NBPF26: variants seen among roughly 807,000 people sequenced by gnomAD.
NBPF26 encodes the protein NBPF family member NBPF26.
NBPF26 carries 79 observed loss-of-function variants against 119.6 expected under a neutral mutation model. The ratio of observed to expected loss-of-function variants is 0.66; its 90% CI spans 0.55 to 0.80. The LOEUF (loss-of-function observed/expected upper bound fraction) is 0.80, where lower values mean the gene tolerates loss of function less well. NBPF26 is among the 30% of genes least tolerant of loss of function. The probability of loss-of-function intolerance (pLI) is 0.00; values close to 1 mark genes in which losing one functional copy is unlikely to be tolerated. For synonymous variants in NBPF26, 299 were observed against 457.7 expected (o/e 0.65, Z 4.43); for missense variants, 800 against 1,198.2 (o/e 0.67, Z 4.91).
intron 2 of NBPF26, among the ~76,000 whole-genome samples, chr1:120,778,606 G>GTT (rs1295507724): frequency 0.034 from 552 of 16,300 alleles, 103 homozygotes; most frequent in African/African-American, 0.19. Context: ...CCAAATCCTC[G>GTT]TTTTAAAAAA....
At position 120,785,160 on chromosome 1, in the gene NBPF26, T is replaced by C. The variant is rs1185129759; in HGVS notation, c.342T>C (p.Pro114=). The C allele has an allele frequency of 2.1e-4, 300 of 1,446,538 alleles. 64 individuals carry two copies. The East Asian group carries it at 5.2e-3, about 25-fold the overall frequency. 89.6% of individuals were successfully genotyped at this position (1,446,538 alleles called of 1,614,324 possible). ...CTCATCCATGCTTTGTGTCTCGACC[T>C]TGCCTGAATGGCGGCACATGCCATA... Residue 114 remains proline (P), a synonymous_variant, in exon 3 of 30, where the codon CCT becomes CCC. Transcript: ENST00000620612.
intron 23 of NBPF26, among the ~76,000 whole-genome samples, 167 bp from the exon 28 acceptor site, chr1:120,833,436 A>G (rs1652405843): frequency 1.0e-5 from 1 of 96,656 alleles, no homozygotes; most frequent in Non-Finnish European, 1.8e-5. Flanking sequence ...ATTGTTTTCT[A>G]CCTGGCCCTG....
At position 120,840,526 on chromosome 1, in the gene NBPF26, G is replaced by A. The variant is rs1652493979; in HGVS notation, c.4280G>A (p.Arg1427Lys). ...AGCTTCGCCCTTTACGTGGACAATAGGTTTTTTACTTTGACGGTGACAAGT... is the reference window on the plus strand; with the variant it reads ...AGCTTCGCCCTTTACGTGGACAATAAGTTTTTTACTTTGACGGTGACAAGT... Residue 1427 changes from arginine (R) to lysine (K), a missense_variant, in exon 30 of 30, where the codon AGG becomes AAG. Transcript: ENST00000620612. 26 of 1,472,632 alleles carry A rather than the reference G, an allele frequency of 1.8e-5. 3 individuals carry two copies. The highest frequency in any genetic ancestry group is 2.3e-5 in the Non-Finnish European group (25 of 1,087,950). 91.2% of individuals were successfully genotyped at this position (1,472,632 alleles called of 1,614,324 possible). A position where few individuals can be genotyped will look rare whatever the true frequency, so the allele number is the denominator to read the frequency against.
rs1221707766 is a variant in NBPF26, at chr1:120,762,504, TG to T, written c.74-1122del. The stretch of plus-strand genomic sequence containing the variant: ...TGCACAATTTATGCATAGAGTGGTG[TG>T]GTTAGAGGAAACTTGGAGGGGGGAA... On this transcript the variant is annotated intron_variant, in intron 1 of 29. Coordinates refer to ENST00000620612, the Ensembl canonical transcript of NBPF26. 3.0e-4 allele frequency among the ~76,000 whole-genome samples: 34 copies of T among 114,340 alleles called. 11 individuals carry two copies. Among genetic ancestry groups the T allele is most frequent in the African/African-American group, 1.4e-3 (30 of 21,644 alleles). The allele number at this position is 114,340 out of a possible 152,430, so 75.0% of individuals were successfully genotyped here. A position where few individuals can be genotyped will look rare whatever the true frequency, so the allele number is the denominator to read the frequency against.
intron 4 of NBPF26, among the ~76,000 whole-genome samples, chr1:120,796,584 ACT>A (rs1491301654): frequency 9.4e-5 from 2 of 21,218 alleles, no homozygotes; most frequent in East Asian, 2.4e-3. Flanking sequence ...TTTTTCTGTA[ACT>A]CTTATCTTCT....
At chr1:120,807,474 G>A in intron 5 of NBPF26, 133 bp from the exon 6 acceptor site, 2 of 469,858 alleles carry the variant, frequency 4.3e-6, no homozygotes, top group South Asian at 4.9e-5. Flanking sequence ...GTAAAGATGT[G>A]GAAATCCCTG....
chr1:120,840,385 A>T, exon 30 of NBPF26: 2 of 1,463,072 alleles, frequency 1.4e-6, no homozygotes, highest in Non-Finnish European at 1.8e-6. Flanking sequence ...GAAGAGCCTG[A>T]AGTCTTGCAG....
chr1:120,814,293 C>G (rs1651953354), intron 11 of NBPF26, among the ~76,000 whole-genome samples: 2 of 117,574 alleles, frequency 1.7e-5, no homozygotes, highest in East Asian at 4.1e-4. Flanking sequence ...TCAGTATACT[C>G]AAAATGGTGT....
At chr1:120,778,610 TAAAAAAAAAAA>T (rs1207692493) in intron 2 of NBPF26, among the ~76,000 whole-genome samples, 1 of 37,910 alleles carries the variant, frequency 2.6e-5, no homozygotes, top group East Asian at 5.8e-4. Context: ...ATCCTCGTTT[TAAAAAAAAAAA>T]AAAAAAAAAA....
At position 120,784,269 on chromosome 1, in the gene NBPF26, C is replaced by G. The variant is rs1324972960; in HGVS notation, c.156-705C>G. On this transcript the variant is annotated intron_variant, in intron 2 of 29. Coordinates refer to ENST00000620612, the Ensembl canonical transcript of NBPF26. Reference sequence around the variant, plus strand: ...AAAGCAAATATATGGTTCTGTACACCGGCTTTAGGAGAGTAAGTCTGTTGT... The same window carrying G: ...AAAGCAAATATATGGTTCTGTACACGGGCTTTAGGAGAGTAAGTCTGTTGT... Among the ~76,000 whole-genome samples the G allele has an allele frequency of 1.7e-4, 20 of 117,400 alleles. 2 individuals are homozygous for G. The highest frequency in any genetic ancestry group is 7.0e-4 in the African/African-American group (14 of 19,990). 77.0% of individuals were successfully genotyped at this position (117,400 alleles called of 152,430 possible). A position where few individuals can be genotyped will look rare whatever the true frequency, so the allele number is the denominator to read the frequency against.
exon 5 of NBPF26, chr1:120,805,589 G>A (rs1571033145): frequency 2.7e-6 from 4 of 1,457,764 alleles, no homozygotes; most frequent in African/African-American, 2.0e-5. Flanking sequence ...ACAAACGTCA[G>A]CATGGTGGTA....
chr1:120,780,162 C>A (rs1651347445), intron 2 of NBPF26, among the ~76,000 whole-genome samples: 1 of 113,278 alleles, frequency 8.8e-6, no homozygotes, highest in African/African-American at 4.8e-5. Flanking sequence ...ATTCAGGGAA[C>A]CTACACCAAG....
In NBPF26 at chr1:120,763,427, A is replaced by G. The variant is rs1287419832; in HGVS notation, c.74-201A>G. On this transcript the variant is annotated intron_variant, in intron 1 of 29. Transcript: ENST00000620612. ...AGAAATAAGAGCATCATTCAAGACC[A>G]CAAATGTGGTTATTGTTGGAAGATA... is the stretch of plus-strand genomic sequence containing the variant. Among the ~76,000 whole-genome samples the G allele has an allele frequency of 3.0e-4, 33 of 109,228 alleles. 6 individuals are homozygous for G. Among genetic ancestry groups the G allele is most frequent in the Admixed American group, 1.5e-3 (17 of 11,144 alleles). The allele number at this position is 109,228 out of a possible 152,430, so 71.7% of individuals were successfully genotyped here.
At chr1:120,801,619 C>T (rs1348584732) in intron 4 of NBPF26, among the ~76,000 whole-genome samples, 5,455 of 101,512 alleles carry the variant, frequency 0.054, 1,437 homozygotes, top group African/African-American at 0.17. Context: ...CGCTTGAGGC[C>T]AGAAGTTCAA....
At chr1:120,833,373 G>T (rs1264440762) in intron 23 of NBPF26, among the ~76,000 whole-genome samples, 1 of 62,374 alleles carries the variant, frequency 1.6e-5, no homozygotes, top group Non-Finnish European at 2.6e-5. Context: ...CTTTCTCTCT[G>T]TCTCTGTCTC....
In NBPF26 at chr1:120,811,448, G is replaced by A. The variant is rs1443964108; in HGVS notation, c.1565-438G>A. On this transcript the variant is annotated intron_variant, in intron 9 of 29. Transcript: ENST00000620612. ...TAATCCCAGATGCTTGGCAGGCTGA[G>A]GGATGAGAATCACTTGAACCCGGGC... is the stretch of plus-strand genomic sequence containing the variant. Among the ~76,000 whole-genome samples the A allele has an allele frequency of 1.8e-5, 2 of 112,198 alleles. 1 individual carries two copies. The highest frequency in any genetic ancestry group is 1.0e-4 in the African/African-American group (2 of 19,138). The allele number at this position is 112,198 out of a possible 152,430, so 73.6% of individuals were successfully genotyped here.
rs1652465306 is a variant in NBPF26, at chr1:120,839,847, T to G, written c.4103+107T>G. 2 of 152,558 alleles carry G rather than the reference T, an allele frequency of 1.3e-5. 1 individual carries two copies. Among genetic ancestry groups the G allele is most frequent in the Non-Finnish European group, 2.3e-5 (2 of 88,620 alleles). 9.5% of individuals were successfully genotyped at this position (152,558 alleles called of 1,614,324 possible). A position where few individuals can be genotyped will look rare whatever the true frequency, so the allele number is the denominator to read the frequency against. ...TGTCATGTTTTCAACGAAGGCTGAA[T>G]TACTCCTACTGTCATTGCTGTTGGT... On this transcript the variant is annotated intron_variant, in intron 29 of 29. Coordinates refer to ENST00000620612, the Ensembl canonical transcript of NBPF26.
exon 30 of NBPF26, chr1:120,840,523 A>C: frequency 6.8e-7 from 1 of 1,473,562 alleles, no homozygotes; most frequent in Non-Finnish European, 9.2e-7. Context: ...TACGTGGACA[A>C]TAGGTTTTTT....
At chr1:120,807,154 TA>T (rs1400243791) in intron 5 of NBPF26, among the ~76,000 whole-genome samples, 1 of 129,446 alleles carries the variant, frequency 7.7e-6, no homozygotes, top group East Asian at 2.0e-4. Context: ...GAAATATTTT[TA>T]AAGTCCTTGA....
Sources: gnomAD v4.1 joint callset for allele counts (sites outside exome capture counted in the v4.1 genomes callset) on GRCh38, gnomAD v4.1.1 for gene constraint, MANE v1.5 for transcripts, NCBI Gene and HGNC (gene_info 2026-07-23, HGNC 2026-07-21) for gene names.